PCDH9: variants seen among roughly 807,000 people sequenced by gnomAD.
The protein encoded by PCDH9 is protocadherin-9.
Under a neutral mutation model 70.6 loss-of-function variants are expected in PCDH9, and 24 were observed. That is an observed-to-expected ratio of 0.34 (90% CI 0.25 to 0.48). The LOEUF (loss-of-function observed/expected upper bound fraction) is 0.48, where lower values mean the gene tolerates loss of function less well. PCDH9 is among the 20% of genes least tolerant of loss of function. PCDH9 has a pLI of 0.99. For synonymous variants in PCDH9, 562 were observed against 558.5 expected (o/e 1.01, Z -0.09); for missense variants, 1,281 against 1,503.6 (o/e 0.85, Z 2.45).
intron 2 of PCDH9, among the ~76,000 whole-genome samples, chr13:67,140,034 C>T (rs1395546525): frequency 7.9e-6 from 1 of 125,880 alleles, no homozygotes; most frequent in South Asian, 3.5e-4. Flanking sequence ...CACCCCCCCC[C>T]CCCCGCCCAT....
At chr13:66,914,958 A>C (rs1304021185) in intron 2 of PCDH9, 1 of 151,740 alleles carries the variant, frequency 6.6e-6, no homozygotes, top group Non-Finnish European at 1.5e-5. Context: ...AGAATACAGA[A>C]TGGATATCTC....
chr13:66,540,184 A>C (rs950348651), intron 4 of PCDH9, among the ~76,000 whole-genome samples: 7 of 152,014 alleles, frequency 4.6e-5, no homozygotes, highest in Admixed American at 1.3e-4. Context: ...AAAGTTTAGA[A>C]TATTAATGAC....
intron 4 of PCDH9, among the ~76,000 whole-genome samples, chr13:66,416,726 C>A (rs565064494): frequency 7.2e-5 from 11 of 152,210 alleles, no homozygotes; most frequent in South Asian, 2.1e-4. Context: ...AGGGTTCACA[C>A]GTAGAATTTT....
At chr13:66,689,303 T>C (rs1484104275) in intron 3 of PCDH9, among the ~76,000 whole-genome samples, 1 of 152,134 alleles carries the variant, frequency 6.6e-6, no homozygotes, top group Non-Finnish European at 1.5e-5. Flanking sequence ...TGTCCCTCCA[T>C]TCACCTCCTT....
chr13:67,131,776 A>G (rs940616973), intron 2 of PCDH9, among the ~76,000 whole-genome samples: 16 of 152,216 alleles, frequency 1.1e-4, no homozygotes, highest in African/African-American at 3.9e-4. Flanking sequence ...TCCTTCAATT[A>G]CAATCGGCAG....
intron 2 of PCDH9, among the ~76,000 whole-genome samples, chr13:67,157,718 A>T (rs747909552): frequency 7.9e-5 from 12 of 152,234 alleles, no homozygotes; most frequent in Non-Finnish European, 1.5e-4. Flanking sequence ...AATTATGGTC[A>T]ATTTTTAGCC....
At chr13:66,803,669 T>C (rs2080363054) in intron 3 of PCDH9, among the ~76,000 whole-genome samples, 1 of 151,782 alleles carries the variant, frequency 6.6e-6, no homozygotes, top group Admixed American at 6.6e-5. Context: ...TTGAATTTCA[T>C]TACAATAATG....
intron 2 of PCDH9, among the ~76,000 whole-genome samples, chr13:67,038,634 T>G (rs1368387539): frequency 6.6e-6 from 1 of 152,184 alleles, no homozygotes; most frequent in African/African-American, 2.4e-5. Context: ...AATCTAATAC[T>G]CAAAAACACC....
At chr13:67,124,296 G>C (rs1461037414) in intron 2 of PCDH9, among the ~76,000 whole-genome samples, 1 of 152,068 alleles carries the variant, frequency 6.6e-6, no homozygotes, top group Non-Finnish European at 1.5e-5. Context: ...CCTATGCTCA[G>C]CTGGAAAAAT....
intron 2 of PCDH9, among the ~76,000 whole-genome samples, chr13:67,135,705 A>C (rs1229287107): frequency 6.6e-6 from 1 of 152,168 alleles, no homozygotes; most frequent in African/African-American, 2.4e-5. Context: ...GTCAATTTAC[A>C]AGGAGTCAAT....
chr13:66,892,253 T>TAC (rs1031970681), intron 3 of PCDH9, among the ~76,000 whole-genome samples: 5 of 148,528 alleles, frequency 3.4e-5, no homozygotes, highest in South Asian at 4.2e-4. Context: ...TATATATATA[T>TAC]ACACACACAC....
intron 4 of PCDH9, among the ~76,000 whole-genome samples, chr13:66,335,554 T>C (rs1192637377): frequency 6.6e-6 from 1 of 152,032 alleles, no homozygotes; most frequent in African/African-American, 2.4e-5. Flanking sequence ...CCTTGAGAGG[T>C]AGGTCTTTTT....
chr13:66,908,355 G>C (rs1446383561), intron 2 of PCDH9, among the ~76,000 whole-genome samples: 1 of 152,144 alleles, frequency 6.6e-6, no homozygotes, highest in Non-Finnish European at 1.5e-5. Context: ...TCATTTAACT[G>C]TTCGTGTTGT....
intron 2 of PCDH9, among the ~76,000 whole-genome samples, chr13:67,027,864 A>G (rs1472092849): frequency 6.6e-6 from 1 of 151,874 alleles, no homozygotes; most frequent in Non-Finnish European, 1.5e-5. Flanking sequence ...CAAAACCACA[A>G]TGAGATACCA....
intron 2 of PCDH9, among the ~76,000 whole-genome samples, chr13:67,184,395 T>A (rs1322975207): frequency 1.3e-5 from 2 of 152,146 alleles, no homozygotes; most frequent in African/African-American, 4.8e-5. Flanking sequence ...TAGATCCGCA[T>A]TCAGATCTCT....
rs535671476 is a variant in PCDH9 at position 66,977,951 on chromosome 13, T to A, written c.3037-74346A>T. Among the ~76,000 whole-genome samples, 11 of 152,276 alleles carry A rather than the reference T, an allele frequency of 7.2e-5. No individual in the cohort carries two copies. The South Asian group carries it at 2.3e-3, about 32-fold the overall frequency. Reference sequence around the variant, plus strand: ...AGAGGAAGCACATAATGCAGACAGATGTTAATAATGTTAAGTGAAAATTTG... The same window carrying A: ...AGAGGAAGCACATAATGCAGACAGAAGTTAATAATGTTAAGTGAAAATTTG... On this transcript the variant is annotated intron_variant, in intron 2 of 4. Coordinates refer to ENST00000377865, the MANE Select transcript of PCDH9 (RefSeq NM_203487.3).
At chr13:66,385,822 AG>A (rs1044646148) in intron 4 of PCDH9, among the ~76,000 whole-genome samples, 6 of 152,198 alleles carry the variant, frequency 3.9e-5, no homozygotes, top group Admixed American at 3.9e-4. Context: ...CCTTTCTAGT[AG>A]GGTTTAATTG....
At chr13:66,872,250 GA>G (rs1434952886) in intron 3 of PCDH9, among the ~76,000 whole-genome samples, 2 of 152,124 alleles carry the variant, frequency 1.3e-5, no homozygotes, top group African/African-American at 4.8e-5. Context: ...GTTATTGCCA[GA>G]TTTGGATGAG....
intron 3 of PCDH9, among the ~76,000 whole-genome samples, chr13:66,866,867 G>C (rs2081585727): frequency 6.6e-6 from 1 of 152,100 alleles, no homozygotes; most frequent in African/African-American, 2.4e-5. Flanking sequence ...TCACAGTAGA[G>C]AGATATATTT....
Sources: allele counts gnomAD v4.1 joint callset (sites outside exome capture counted in the v4.1 genomes callset), GRCh38; gene constraint gnomAD v4.1.1; transcripts MANE v1.5; gene names NCBI Gene and HGNC (gene_info 2026-07-23, HGNC 2026-07-21).